Variants in PAX8 observed in about 807,000 individuals in gnomAD.
PAX8 encodes paired box protein Pax-8.
In PAX8, 15 loss-of-function variants were observed where a neutral mutation model predicts 52.4. The observed-to-expected ratio is 0.29, with a 90% CI of 0.19 to 0.44. The LOEUF (loss-of-function observed/expected upper bound fraction) is 0.44. Ranked by LOEUF, PAX8 falls within the 20% of genes least tolerant of loss-of-function variation. The probability of loss-of-function intolerance (pLI) is 1.00; values close to 1 mark genes in which losing one functional copy is unlikely to be tolerated. For missense variants in PAX8, 554 were observed against 602.5 expected (o/e 0.92, Z 0.84); for synonymous variants, 284 against 249.7 (o/e 1.14, Z -1.29).
intron 9 of PAX8, chr2:113,230,443 T>A (rs187914063): frequency 6.6e-6 from 1 of 152,282 alleles, no homozygotes; most frequent in Non-Finnish European, 1.5e-5. Context: ...AGCCCCTACA[T>A]TGATCTTATA....
At chr2:113,223,427 C>T (rs578164503) in intron 10 of PAX8, among the ~76,000 whole-genome samples, 10 of 152,326 alleles carry the variant, frequency 6.6e-5, no homozygotes, top group African/African-American at 1.9e-4. Context: ...CTGCAACTGT[C>T]CCCTAACTGG....
chr2:113,238,608 G>A (rs1690560512), intron 7 of PAX8: 1 of 151,926 alleles, frequency 6.6e-6, no homozygotes, highest in Non-Finnish European at 1.5e-5. Context: ...TTTTTAGCTG[G>A]AATTGAACTT....
At chr2:113,278,629 G>A (rs1693997458) in intron 1 of PAX8, 160 bp from the exon 2 acceptor site, 3 of 713,852 alleles carry the variant, frequency 4.2e-6, no homozygotes, top group Non-Finnish European at 6.8e-6. Flanking sequence ...CTAGCTAACA[G>A]GCTTCCCGGG....
chr2:113,262,592 C>T (rs1692768431), intron 2 of PAX8, among the ~76,000 whole-genome samples: 1 of 152,172 alleles, frequency 6.6e-6, no homozygotes, highest in South Asian at 2.1e-4. Context: ...CCTGTCTCCA[C>T]CCACCACCCT....
chr2:113,224,408 G>A lies in PAX8; in HGVS notation c.1189+2747C>T, dbSNP rs183829435. ...CCAAAAATATAAAAATTAGCCAGGT[G>A]TGGTGGTGGGTCCCTGTAGTGACAG... On this transcript the variant is annotated intron_variant, in intron 10 of 11. Coordinates refer to ENST00000429538, the MANE Select transcript of PAX8 (RefSeq NM_003466.4). 3.2e-4 allele frequency among the ~76,000 whole-genome samples: 49 copies of A among 152,170 alleles called. No homozygotes were observed. The East Asian group carries it at 9.1e-3, about 28-fold the overall frequency.
Position 113,236,577 on chromosome 2 carries a change from C to T in PAX8, c.898+24G>A, listed in dbSNP as rs745410114. ...TCTTCAGTCCCCCGCCCTCCACCTG[C>T]CAGGGAGGCTCCGGGCGTTGTACCT... is the stretch of plus-strand genomic sequence containing the variant. On this transcript the variant is annotated intron_variant, in intron 8 of 11. Coordinates refer to ENST00000429538, the MANE Select transcript of PAX8 (RefSeq NM_003466.4). The T allele has an allele frequency of 2.0e-5, 31 of 1,551,786 alleles. No individual in the cohort carries two copies. The South Asian group carries it at 3.4e-4, about 17-fold the overall frequency.
intron 2 of PAX8, chr2:113,270,563 C>T (rs1693400806): frequency 6.6e-6 from 1 of 152,140 alleles, no homozygotes; most frequent in Non-Finnish European, 1.5e-5. Context: ...GAGTTTATCC[C>T]AAGAATAATA....
At chr2:113,218,692 C>CT in intron 11 of PAX8, 83 bp from the exon 12 acceptor site, 1 of 813,494 alleles carries the variant, frequency 1.2e-6, no homozygotes, top group East Asian at 2.7e-5. Context: ...ATCTGCTGAC[C>CT]TTTAAGACAA....
chr2:113,226,519 G>A, intron 10 of PAX8: 3 of 988,350 alleles, frequency 3.0e-6, no homozygotes, highest in Non-Finnish European at 3.6e-6. Context: ...CTGGCAGGCA[G>A]GTTCCAGAAC....
At chr2:113,241,795 G>A (rs781392014) in intron 6 of PAX8, 69 bp from the exon 7 acceptor site, 12 of 1,567,942 alleles carry the variant, frequency 7.7e-6, no homozygotes, top group Non-Finnish European at 1.1e-5. Context: ...CCAAAGTAGA[G>A]GACTGACTCC....
At chr2:113,241,486 T>C in intron 7 of PAX8, 65 bp downstream of exon 7, 2 of 1,473,522 alleles carry the variant, frequency 1.4e-6, no homozygotes, top group Non-Finnish European at 1.8e-6. Flanking sequence ...CACAGGCTCA[T>C]TTGGAGAATA....
At chr2:113,277,011 C>T (rs1693862826) in intron 2 of PAX8, among the ~76,000 whole-genome samples, 1 of 152,206 alleles carries the variant, frequency 6.6e-6, no homozygotes, top group Non-Finnish European at 1.5e-5. Flanking sequence ...AGATAGTGGC[C>T]TAGGAGCGCT....
At chr2:113,236,899 C>T (rs1294558353) in intron 7 of PAX8, 178 bp from the exon 8 acceptor site, 1 of 695,278 alleles carries the variant, frequency 1.4e-6, no homozygotes, top group Non-Finnish European at 2.3e-6. Context: ...TGCTCATTGT[C>T]CTCCCGCATC....
chr2:113,220,039 C>G lies in PAX8; in HGVS notation c.1276+53G>C, dbSNP rs528394050. On this transcript the variant is annotated intron_variant, in intron 11 of 11. Coordinates refer to ENST00000429538, the MANE Select transcript of PAX8 (RefSeq NM_003466.4). Reference sequence around the variant, plus strand: ...TAACCTTTGACCCACCCTTGCCCCCCACCACTCCATCCATCCTGCCCAGCA... The same window carrying G: ...TAACCTTTGACCCACCCTTGCCCCCGACCACTCCATCCATCCTGCCCAGCA... The G allele has an allele frequency of 1.5e-4, 198 of 1,362,232 alleles. No homozygotes were observed. In the African/African-American group the frequency reaches 2.2e-3, roughly 15 times the overall value. 84.4% of individuals were successfully genotyped at this position (1,362,232 alleles called of 1,614,324 possible).
intron 9 of PAX8, among the ~76,000 whole-genome samples, chr2:113,228,131 C>A (rs890609575): frequency 6.6e-6 from 1 of 152,176 alleles, no homozygotes; most frequent in Non-Finnish European, 1.5e-5. Flanking sequence ...GGAGGCCCCA[C>A]CTGACCTGGC....
intron 10 of PAX8, among the ~76,000 whole-genome samples, chr2:113,220,947 G>A (rs1261217735): frequency 1.3e-5 from 2 of 152,170 alleles, no homozygotes; most frequent in Non-Finnish European, 2.9e-5. Context: ...ATTTACCGAA[G>A]AAATTACTTA....
chr2:113,244,390 G>A (rs199745734), intron 4 of PAX8, 37 bp downstream of exon 4: 4 of 1,538,882 alleles, frequency 2.6e-6, no homozygotes, highest in Non-Finnish European at 3.6e-6. Flanking sequence ...AAGCCCAGGG[G>A]CCCCAGCCTG....
intron 2 of PAX8, among the ~76,000 whole-genome samples, chr2:113,261,117 G>A (rs1399908437): frequency 2.0e-5 from 3 of 152,132 alleles, no homozygotes; most frequent in African/African-American, 7.2e-5. Context: ...CACTCTAAAA[G>A]CTGCCCTCAC....
At chr2:113,262,341 C>G (rs1304323821) in intron 2 of PAX8, among the ~76,000 whole-genome samples, 1 of 152,146 alleles carries the variant, frequency 6.6e-6, no homozygotes, top group Non-Finnish European at 1.5e-5. Flanking sequence ...ACCTGGACTT[C>G]AGGCTCTCTT....
Sources: allele counts gnomAD v4.1 joint callset (sites outside exome capture counted in the v4.1 genomes callset), GRCh38; gene constraint gnomAD v4.1.1; transcripts MANE v1.5; gene names NCBI Gene and HGNC (gene_info 2026-07-23, HGNC 2026-07-21).